Variants in NEDD9 observed in about 807,000 individuals in gnomAD.
The protein encoded by NEDD9 is neural precursor cell expressed, developmentally down-regulated 9.
Under a neutral mutation model 76.6 loss-of-function variants are expected in NEDD9, and 26 were observed. The observed-to-expected ratio is 0.34, with a 90% CI of 0.25 to 0.47. The LOEUF (loss-of-function observed/expected upper bound fraction) is 0.47. Ranked by LOEUF, NEDD9 falls within the 20% of genes least tolerant of loss-of-function variation. NEDD9 has a pLI of 1.00. For missense variants in NEDD9, 937 were observed against 1,058.5 expected, an observed-to-expected ratio of 0.89 and a Z score of 1.59; for synonymous variants, 392 against 414.2, an observed-to-expected ratio of 0.95 and a Z score of 0.65.
intron 3 of NEDD9, among the ~76,000 whole-genome samples, chr6:11,243,330 T>TTGATGA (rs369182385): frequency 6.6e-6 from 1 of 152,152 alleles, no homozygotes; most frequent in Non-Finnish European, 1.5e-5. Flanking sequence ...AATACAAGCC[T>TTGATGA]TGATGATGAT....
At chr6:11,189,064 G>A (rs1037770187) in intron 5 of NEDD9, among the ~76,000 whole-genome samples, 17 of 151,082 alleles carry the variant, frequency 1.1e-4, no homozygotes, top group Admixed American at 2.0e-4. Context: ...CTTCTGCCTC[G>A]GCCTCCCAAG....
intron 2 of NEDD9, among the ~76,000 whole-genome samples, chr6:11,316,726 G>A (rs1182802963): frequency 6.6e-6 from 1 of 152,214 alleles, no homozygotes; most frequent in African/African-American, 2.4e-5. Context: ...TATAAGGAAG[G>A]TTCGGATTAA....
At chr6:11,192,096 T>C (rs193058640) in intron 4 of NEDD9, among the ~76,000 whole-genome samples, 1 of 152,374 alleles carries the variant, frequency 6.6e-6, no homozygotes, top group East Asian at 1.9e-4. Context: ...CAAAGGGTTA[T>C]CCTTATTGGC....
upstream of NEDD9, among the ~76,000 whole-genome samples, chr6:11,235,452 T>C (rs893645181): frequency 1.3e-5 from 2 of 152,126 alleles, no homozygotes; most frequent in African/African-American, 4.8e-5. The surrounding 1 kb of genome is among the most constrained non-coding windows in gnomAD (Gnocchi z 4.1). Context: ...GATACAGCAG[T>C]AGCCCAGACA....
intron 2 of NEDD9, among the ~76,000 whole-genome samples, chr6:11,334,297 C>T (rs1168204837): frequency 2.0e-5 from 3 of 152,076 alleles, no homozygotes; most frequent in Non-Finnish European, 2.9e-5. Context: ...TGTTGTATTC[C>T]TTATACATTT....
chr6:11,247,312 C>A (rs1759830252), intron 3 of NEDD9, among the ~76,000 whole-genome samples: 1 of 152,180 alleles, frequency 6.6e-6, no homozygotes, highest in South Asian at 2.1e-4. Flanking sequence ...TCTGCTAGTT[C>A]AACACGGAGT....
chr6:11,322,700 T>A (rs572867021), intron 2 of NEDD9, among the ~76,000 whole-genome samples: 2 of 152,302 alleles, frequency 1.3e-5, no homozygotes, highest in African/African-American at 4.8e-5. Context: ...CAAGGGGCAG[T>A]CACCTGCACA....
At chr6:11,369,111 C>T (rs1762815879) in intron 1 of NEDD9, among the ~76,000 whole-genome samples, 2 of 152,198 alleles carry the variant, frequency 1.3e-5, no homozygotes, top group Non-Finnish European at 2.9e-5. Context: ...GCAGTTGGTT[C>T]TCTCTTAAGC....
chr6:11,302,683 C>T (rs1172904095), intron 3 of NEDD9, among the ~76,000 whole-genome samples: 1 of 152,208 alleles, frequency 6.6e-6, no homozygotes, highest in Non-Finnish European at 1.5e-5. Flanking sequence ...ACATTGGCTA[C>T]ATCCCTGGGA....
chr6:11,224,038 A>G (rs1759232663), intron 1 of NEDD9, among the ~76,000 whole-genome samples: 1 of 152,214 alleles, frequency 6.6e-6, no homozygotes, highest in Admixed American at 6.5e-5. Flanking sequence ...TTGTCAGACC[A>G]TATGTCCCAT....
chr6:11,325,310 A>G (rs1010802585), intron 2 of NEDD9, among the ~76,000 whole-genome samples: 1 of 151,442 alleles, frequency 6.6e-6, no homozygotes, highest in African/African-American at 2.4e-5. Context: ...AACTGAGATC[A>G]TGCCACTGCA....
chr6:11,294,694 G>T (rs1760851418), intron 3 of NEDD9, among the ~76,000 whole-genome samples: 1 of 152,128 alleles, frequency 6.6e-6, no homozygotes, highest in Non-Finnish European at 1.5e-5. Flanking sequence ...CAGTATACGT[G>T]GGTTCCCTTT....
intron 3 of NEDD9, among the ~76,000 whole-genome samples, chr6:11,240,888 A>G (rs1298612965): frequency 6.6e-6 from 1 of 152,232 alleles, no homozygotes; most frequent in Non-Finnish European, 1.5e-5. Context: ...ATGTGTCCCC[A>G]GCTAGGTAAA....
chr6:11,241,082 A>C lies in NEDD9; in HGVS notation c.13-27355T>G, dbSNP rs1486990899. Reference sequence around the variant, plus strand: ...AATCTTTTCTGCTGATAGAAACTTCACACTGTGGATTTTTACAAAGGTTGA... The same window carrying C: ...AATCTTTTCTGCTGATAGAAACTTCCCACTGTGGATTTTTACAAAGGTTGA... On this transcript the variant is annotated intron_variant, in intron 3 of 3. Transcript: ENST00000397378. This position sits in a 1 kb window ranked among gnomAD's most constrained non-coding sequence, Gnocchi z 4.0. 6.6e-6 allele frequency among the ~76,000 whole-genome samples: 1 copy of C among 152,210 alleles called. No individual in the cohort carries two copies. The highest frequency in any genetic ancestry group is 6.5e-5 in the Admixed American group (1 of 15,286).
intron 1 of NEDD9, among the ~76,000 whole-genome samples, chr6:11,369,898 A>G (rs1466658231): frequency 6.6e-6 from 1 of 152,222 alleles, no homozygotes; most frequent in Non-Finnish European, 1.5e-5. Flanking sequence ...TTTCAATATC[A>G]TGCTCAACTG....
chr6:11,185,776 C>A, intron 6 of NEDD9, 105 bp from the exon 7 acceptor site: 3 of 1,326,724 alleles, frequency 2.3e-6, no homozygotes, highest in Non-Finnish European at 3.1e-6. Context: ...TCGCTAGTAA[C>A]TGTCAGATGC....
At chr6:11,280,894 T>C (rs542758417) in intron 3 of NEDD9, among the ~76,000 whole-genome samples, 129 of 152,364 alleles carry the variant, frequency 8.5e-4, no homozygotes, top group African/African-American at 3.0e-3. Context: ...AATCTGAGTG[T>C]GTCCTGTATG....
Position 11,213,777 on chromosome 6 carries a change from C to T in NEDD9, c.13-50G>A, listed in dbSNP as rs899235974. ...ACCGTGTTAGAATATTGGGTCGGTCCCTTTATCACCTAAGGCCCGTGCTCT... is the reference window on the plus strand; with the variant it reads ...ACCGTGTTAGAATATTGGGTCGGTCTCTTTATCACCTAAGGCCCGTGCTCT... On this transcript the variant is annotated intron_variant, in intron 1 of 6. Transcript: ENST00000379446. The surrounding 1 kb of genome is among the most constrained non-coding windows in gnomAD (Gnocchi z 5.4). 3.2e-6 allele frequency: 5 copies of T among 1,545,206 alleles called. No homozygotes were observed. The Admixed American group carries it at 8.6e-5, about 26-fold the overall frequency.
At chr6:11,203,141 C>T (rs1367824037) in intron 2 of NEDD9, among the ~76,000 whole-genome samples, 4 of 152,210 alleles carry the variant, frequency 2.6e-5, no homozygotes, top group South Asian at 4.1e-4. Context: ...TGAAAGAACA[C>T]GACGGGAAAT....
Sources: gnomAD v4.1 joint callset for allele counts (sites outside exome capture counted in the v4.1 genomes callset) on GRCh38, gnomAD v4.1.1 for gene constraint, Gnocchi (gnomAD v3.1) non-coding constraint, MANE v1.5 for transcripts, NCBI Gene and HGNC (gene_info 2026-07-23, HGNC 2026-07-21) for gene names.